Variants in PRR16 observed in about 807,000 individuals in gnomAD.
The protein encoded by PRR16 is proline rich 16, also known as protein Largen.
In PRR16, 6 loss-of-function variants were observed where a neutral mutation model predicts 18.2. That is an observed-to-expected ratio of 0.33 (90% confidence interval 0.18 to 0.65). The LOEUF (loss-of-function observed/expected upper bound fraction) is 0.65. Among genes scored for constraint, PRR16 ranks in the 30% least tolerant of loss-of-function variants. PRR16 has a pLI of 0.74. For synonymous variants in PRR16, 151 were observed against 147.8 expected, an observed-to-expected ratio of 1.02 and a Z score of -0.16; for missense variants, 412 against 376.6, an observed-to-expected ratio of 1.09 and a Z score of -0.78.
chr5:120,697,491 TC>T, the PRR16 span, among the ~76,000 whole-genome samples: 1 of 152,236 alleles, frequency 6.6e-6, no homozygotes, highest in Non-Finnish European at 1.5e-5. Flanking sequence ...TGAGTTTTCT[TC>T]CCAGTGAGAA....
At chr5:120,661,937 G>T (rs1436066836) in intron 1 of PRR16, among the ~76,000 whole-genome samples, 1 of 152,068 alleles carries the variant, frequency 6.6e-6, no homozygotes, top group African/African-American at 2.4e-5. Flanking sequence ...TTGACTATTT[G>T]CAGGGACTAT....
chr5:120,772,909 C>A, the PRR16 span, among the ~76,000 whole-genome samples: 1 of 152,118 alleles, frequency 6.6e-6, no homozygotes, highest in Non-Finnish European at 1.5e-5. Context: ...CGAATTTTTA[C>A]ATTTAAGCCA....
In PRR16 at chr5:120,574,734, T is replaced by TA. The variant is rs541209087; in HGVS notation, c.159+110095dup. Among the ~76,000 whole-genome samples the TA allele has an allele frequency of 2.6e-4, 39 of 149,328 alleles. 2 individuals carry two copies. In the South Asian group the frequency reaches 7.0e-3, roughly 27 times the overall value. On this transcript the variant is annotated intron_variant, in intron 1 of 1. Transcript: ENST00000407149. ...TATAATATTTGTAAACTAAAATTAT[T>TA]AAAAAATAGATATTGAATATTGGTG...
chr5:120,484,718 C>A (rs2112815424), intron 1 of PRR16, among the ~76,000 whole-genome samples: 1 of 148,642 alleles, frequency 6.7e-6, no homozygotes, highest in East Asian at 2.0e-4. Context: ...CAGAGTATAT[C>A]ATTTTTTCCA....
rs76076316 is a variant in PRR16, at chr5:120,654,354, C to A, written c.160-31600C>A. On this transcript the variant is annotated intron_variant, in intron 1 of 1. Transcript: ENST00000407149. Reference sequence around the variant, plus strand: ...TTTTTTTGTTTCTACCCCCATGTAACCTTTGCTTCTTTGCATAGGAAACTA... The same window carrying A: ...TTTTTTTGTTTCTACCCCCATGTAAACTTTGCTTCTTTGCATAGGAAACTA... Among the ~76,000 whole-genome samples the A allele has an allele frequency of 7.2e-3, 1,099 of 152,046 alleles. 14 individuals carry two copies. Among genetic ancestry groups the A allele is most frequent in the African/African-American group, 0.025 (1,052 of 41,504 alleles).
the PRR16 span, among the ~76,000 whole-genome samples, chr5:120,700,746 G>A: frequency 6.6e-6 from 1 of 152,116 alleles, no homozygotes; most frequent in African/African-American, 2.4e-5. Flanking sequence ...GGTAGCCTCC[G>A]TGCTGATTAA....
intron 1 of PRR16, among the ~76,000 whole-genome samples, chr5:120,628,686 T>C (rs188536707): frequency 8.1e-4 from 118 of 145,526 alleles, no homozygotes; most frequent in South Asian, 2.4e-3. Flanking sequence ...TATCTATCTA[T>C]CATTCTACCA....
At chr5:120,542,506 A>C (rs145482295) in intron 1 of PRR16, among the ~76,000 whole-genome samples, 1 of 152,142 alleles carries the variant, frequency 6.6e-6, no homozygotes, top group Non-Finnish European at 1.5e-5. Context: ...TCCAAACTCT[A>C]TTTGGAATTT....
At chr5:120,573,167 G>A (rs972161459) in intron 1 of PRR16, among the ~76,000 whole-genome samples, 7 of 151,620 alleles carry the variant, frequency 4.6e-5, no homozygotes, top group African/African-American at 1.7e-4. Flanking sequence ...TAAAACTAAT[G>A]TCTGTGACTT....
intron 1 of PRR16, chr5:120,658,431 A>G (rs548189937): frequency 1.3e-5 from 2 of 152,026 alleles, no homozygotes; most frequent in South Asian, 2.1e-4. Context: ...CTAGGGAAAC[A>G]TTAAGCAAAT....
chr5:120,673,842 C>T (rs1756699241), intron 1 of PRR16, among the ~76,000 whole-genome samples: 1 of 151,850 alleles, frequency 6.6e-6, no homozygotes, highest in Non-Finnish European at 1.5e-5. Context: ...GTAATCCCAA[C>T]TACTCAGGAG....
intron 1 of PRR16, among the ~76,000 whole-genome samples, chr5:120,523,159 G>C (rs1751242041): frequency 6.6e-6 from 1 of 152,134 alleles, no homozygotes; most frequent in African/African-American, 2.4e-5. Context: ...ATCTTATAGA[G>C]GTGGATTTCA....
intron 1 of PRR16, among the ~76,000 whole-genome samples, chr5:120,545,889 A>G (rs1389128022): frequency 1.3e-5 from 2 of 151,996 alleles, no homozygotes; most frequent in Non-Finnish European, 2.9e-5. Flanking sequence ...GTTCTTGCCA[A>G]TTTCTTATTA....
chr5:120,718,470 G>A, the PRR16 span, among the ~76,000 whole-genome samples: 1 of 152,016 alleles, frequency 6.6e-6, no homozygotes, highest in Non-Finnish European at 1.5e-5. Context: ...GATATCTCAT[G>A]CAGACTCCAA....
chr5:120,518,266 A>G (rs1053793403), intron 1 of PRR16, among the ~76,000 whole-genome samples: 3 of 152,162 alleles, frequency 2.0e-5, no homozygotes, highest in East Asian at 1.9e-4. Context: ...GCAGGTATCT[A>G]TTCACTTCCT....
chr5:120,502,927 A>G (rs1750512585), intron 1 of PRR16, among the ~76,000 whole-genome samples: 2 of 152,166 alleles, frequency 1.3e-5, no homozygotes, highest in African/African-American at 4.8e-5. Context: ...CCATTCAGAA[A>G]CCTTCTCATA....
At chr5:120,485,601 C>T (rs573158379) in intron 1 of PRR16, among the ~76,000 whole-genome samples, 2 of 152,204 alleles carry the variant, frequency 1.3e-5, no homozygotes, top group African/African-American at 4.8e-5. Context: ...TAATGAGTTA[C>T]TAGTGGGACT....
chr5:120,711,641 A>G, the PRR16 span, among the ~76,000 whole-genome samples: 1 of 152,154 alleles, frequency 6.6e-6, no homozygotes, highest in African/African-American at 2.4e-5. Context: ...CTTGGATTGG[A>G]CACACTTGGC....
At chr5:120,740,029 C>A in the PRR16 span, among the ~76,000 whole-genome samples, 1 of 152,114 alleles carries the variant, frequency 6.6e-6, no homozygotes, top group Non-Finnish European at 1.5e-5. Context: ...TCTAGGACCC[C>A]GGACTATTAT....
Sources: allele counts gnomAD v4.1 joint callset (sites outside exome capture counted in the v4.1 genomes callset), GRCh38; gene constraint gnomAD v4.1.1; transcripts MANE v1.5; gene names NCBI Gene and HGNC (gene_info 2026-07-23, HGNC 2026-07-21).